Variants in DOCK8 observed in about 807,000 individuals in gnomAD.
DOCK8 encodes dedicator of cytokinesis 8, also known as dedicator of cytokinesis protein 8.
A neutral mutation model predicts 245.6 loss-of-function variants in DOCK8; 141 were observed. The ratio of observed to expected loss-of-function variants is 0.57; its 90% confidence interval spans 0.50 to 0.66. The LOEUF (loss-of-function observed/expected upper bound fraction) is 0.66. Ranked by LOEUF, DOCK8 falls within the 30% of genes least tolerant of loss-of-function variation. DOCK8 has a pLI of 0.00. For missense variants in DOCK8, 2,965 were observed against 2,603.4 expected (o/e 1.14, Z -3.02); for synonymous variants, 1,168 against 970.2 (o/e 1.20, Z -3.79).
At chr9:396,030 A>G (rs2054437819) in intron 24 of DOCK8, among the ~76,000 whole-genome samples, 1 of 152,156 alleles carries the variant, frequency 6.6e-6, no homozygotes, top group Non-Finnish European at 1.5e-5. Flanking sequence ...ATATAGAGAT[A>G]CTAGATATAG....
intron 20 of DOCK8, 73 bp from the exon 21 acceptor site, chr9:379,698 C>T (rs1279923304): frequency 6.5e-7 from 1 of 1,548,128 alleles, no homozygotes; most frequent in East Asian, 2.2e-5. Context: ...TTGTCACTGT[C>T]CTGGAGAAAC....
At chr9:213,712 A>C (rs1156872626), upstream of DOCK8, 1 of 145,398 alleles carries the variant, frequency 6.9e-6, no homozygotes, top group Non-Finnish European at 1.5e-5. Context: ...GTTTGAACCA[A>C]AAATACTTCG....
chr9:307,339 T>G (rs1586658438), intron 5 of DOCK8, among the ~76,000 whole-genome samples: 2 of 3,254 alleles, frequency 6.1e-4, no homozygotes, highest in Non-Finnish European at 7.7e-4. Flanking sequence ...GTTTTTTTTG[T>G]TTTTTTTTTT....
intron 1 of DOCK8, among the ~76,000 whole-genome samples, chr9:245,912 C>T (rs1340732891): frequency 6.6e-6 from 1 of 152,046 alleles, no homozygotes; most frequent in African/African-American, 2.4e-5. Context: ...GGCAAGCAAA[C>T]AAAAGCAATT....
chr9:449,686 C>G (rs989472119), intron 44 of DOCK8, 98 bp from the exon 45 acceptor site: 5 of 1,500,422 alleles, frequency 3.3e-6, no homozygotes, highest in South Asian at 1.1e-5. Context: ...CCCTAGCTGC[C>G]TCTTCAAATT....
At chr9:225,537 G>T (rs1486918678) in intron 1 of DOCK8, among the ~76,000 whole-genome samples, 1 of 152,144 alleles carries the variant, frequency 6.6e-6, no homozygotes, top group South Asian at 2.1e-4. Context: ...GAATCAGCTG[G>T]ATGTGGGAAG....
At chr9:429,257 G>A (rs995807724) in intron 35 of DOCK8, among the ~76,000 whole-genome samples, 17 of 152,338 alleles carry the variant, frequency 1.1e-4, no homozygotes, top group African/African-American at 2.2e-4. Flanking sequence ...GTGAGCCCCC[G>A]TTCCTGGCCT....
intron 1 of DOCK8, among the ~76,000 whole-genome samples, chr9:251,300 CA>C (rs1236282661): frequency 1.3e-5 from 2 of 152,078 alleles, no homozygotes; most frequent in Non-Finnish European, 2.9e-5. Context: ...TGAAAAAAAT[CA>C]ATGTTTAGAA....
chr9:310,126 G>C (rs893429128), intron 5 of DOCK8, among the ~76,000 whole-genome samples: 6 of 152,186 alleles, frequency 3.9e-5, no homozygotes, highest in African/African-American at 1.4e-4. Flanking sequence ...AATTAGCCAG[G>C]CGTGGTGGCG....
intron 14 of DOCK8, among the ~76,000 whole-genome samples, chr9:353,329 T>G (rs2052266400): frequency 6.6e-6 from 1 of 152,168 alleles, no homozygotes; most frequent in African/African-American, 2.4e-5. Context: ...TTCCCCTGAT[T>G]CCAATACTTT....
At chr9:332,942 G>C (rs1241971250) in intron 10 of DOCK8, among the ~76,000 whole-genome samples, 1 of 152,074 alleles carries the variant, frequency 6.6e-6, no homozygotes. Context: ...ACAGGCATGA[G>C]TCACCATGCC....
intron 24 of DOCK8, among the ~76,000 whole-genome samples, chr9:392,493 T>C (rs1329941966): frequency 6.6e-6 from 1 of 152,156 alleles, no homozygotes; most frequent in African/African-American, 2.4e-5. Context: ...AGAGATTCTT[T>C]CTCAAAGCAC....
Position 452,090 on chromosome 9 carries a change from G to C in DOCK8, c.6041G>C (p.Arg2014Thr). The change falls in exon 46 of 48, where the codon AGG (arginine) becomes ACG (threonine). Residue 2014 changes from arginine (R) to threonine (T), a missense_variant. By Grantham distance (71) the Arg-to-Thr change is moderately conservative (BLOSUM62 -1). Transcript: ENST00000432829. ...PKLYRHHNKL[R>T]LCFKEFIMRC... ...CTCTATCGACATCACAACAAGTTGA[G>C]GTTATGCTTTAAGGAATTCATCATG... 3 of 1,610,556 alleles carry C rather than the reference G, an allele frequency of 1.9e-6. No homozygotes were observed. The highest frequency in any genetic ancestry group is 2.5e-6 in the Non-Finnish European group (3 of 1,178,468).
intron 24 of DOCK8, among the ~76,000 whole-genome samples, chr9:393,305 A>C (rs949851807): frequency 6.6e-6 from 1 of 151,638 alleles, no homozygotes; most frequent in Non-Finnish European, 1.5e-5. Context: ...ACAGAATCCC[A>C]ATAATAGTTG....
At chr9:436,648 AATGAC>A (rs1217476294) in intron 39 of DOCK8, among the ~76,000 whole-genome samples, 1 of 152,244 alleles carries the variant, frequency 6.6e-6, no homozygotes, top group East Asian at 1.9e-4. Flanking sequence ...ATTTGCTAAT[AATGAC>A]ATGCCAAAGT....
intron 14 of DOCK8, among the ~76,000 whole-genome samples, chr9:362,487 C>T (rs1200332024): frequency 6.6e-6 from 1 of 152,192 alleles, no homozygotes; most frequent in Admixed American, 6.5e-5. Context: ...ACTTCAGCTC[C>T]TCATTAAATC....
At chr9:272,577 G>A (rs965373156) in intron 2 of DOCK8, among the ~76,000 whole-genome samples, 1 of 151,948 alleles carries the variant, frequency 6.6e-6, no homozygotes, top group South Asian at 2.1e-4. Flanking sequence ...GTAGAGACAG[G>A]GGTCTCGCTA....
intron 22 of DOCK8, among the ~76,000 whole-genome samples, chr9:385,837 T>C (rs369387834): frequency 2.6e-5 from 4 of 152,352 alleles, no homozygotes; most frequent in Non-Finnish European, 5.9e-5. Context: ...AATGAAAATA[T>C]TAAATTTTTA....
intron 14 of DOCK8, among the ~76,000 whole-genome samples, chr9:355,998 G>T (rs989268793): frequency 6.6e-6 from 1 of 152,124 alleles, no homozygotes; most frequent in Non-Finnish European, 1.5e-5. Context: ...GGCAGAAAAA[G>T]AAAACCACAC....
Sources: gnomAD v4.1 joint callset for allele counts (sites outside exome capture counted in the v4.1 genomes callset) on GRCh38, gnomAD v4.1.1 for gene constraint, MANE v1.5 for transcripts, NCBI Gene and HGNC (gene_info 2026-07-23, HGNC 2026-07-21) for gene names.